The following UNC93A variants were observed in gnomAD, a reference collection of about 807,000 sequenced individuals.
The protein encoded by UNC93A is N-acetylglucosamine transporter UNC93A.
Under a neutral mutation model 47.5 loss-of-function variants are expected in UNC93A, and 43 were observed. The observed-to-expected ratio is 0.91, with a 90% CI of 0.71 to 1.17. The LOEUF is 1.17. UNC93A is among the 50% of genes most tolerant of loss of function. The pLI, the probability that UNC93A is intolerant of heterozygous loss-of-function variation, is 0.00. For missense variants in UNC93A, 605 were observed against 577.6 expected, an observed-to-expected ratio of 1.05 and a Z score of -0.49; for synonymous variants, 280 against 258.0, an observed-to-expected ratio of 1.09 and a Z score of -0.82.
chr6:167,306,845 A>T (rs1778410900), intron 6 of UNC93A, among the ~76,000 whole-genome samples: 1 of 152,198 alleles, frequency 6.6e-6, no homozygotes, highest in South Asian at 2.1e-4. Context: ...CCGCTGACAG[A>T]GACCCTGCTC....
intron 4 of UNC93A, 58 bp from the exon 5 acceptor site, chr6:167,303,861 C>T (rs1778307474): frequency 6.4e-7 from 1 of 1,570,082 alleles, no homozygotes; most frequent in Non-Finnish European, 8.8e-7. Flanking sequence ...CAAATCCTTG[C>T]CAGGCACCCT....
chr6:167,291,652 T>C, intron 1 of UNC93A, 76 bp downstream of exon 1: 3 of 1,394,322 alleles, frequency 2.2e-6, no homozygotes, highest in Non-Finnish European at 3.0e-6. Context: ...CAATAATGAA[T>C]TGGAAATTTG....
chr6:167,290,756 C>T (rs2989555), upstream of UNC93A, among the ~76,000 whole-genome samples: 94,921 of 152,028 alleles, frequency 0.62, 29,827 homozygotes, highest in Non-Finnish European at 0.67. Flanking sequence ...AATCATTTAA[C>T]TTTTCTGAAG....
intron 1 of UNC93A, among the ~76,000 whole-genome samples, chr6:167,291,798 C>A (rs1238668634): frequency 6.6e-6 from 1 of 152,200 alleles, no homozygotes; most frequent in South Asian, 2.1e-4. Flanking sequence ...GCGAGGTGCA[C>A]GTTGCTCTTG....
chr6:167,298,198 T>C, intron 4 of UNC93A, 128 bp downstream of exon 4: 1 of 1,399,364 alleles, frequency 7.1e-7, no homozygotes, highest in Non-Finnish European at 9.5e-7. Context: ...CCTTGCAAAA[T>C]GTATTGGTCT....
rs139873524 is a variant in UNC93A, at chr6:167,312,757, C to T, written c.1109-2430C>T. ...GTCTACTTTCCTTTTTAAAAAATGT[C>T]TTTCCCCACTATGTCCTTAGCTGTG... On this transcript the variant is annotated intron_variant, in intron 7 of 7. Coordinates refer to ENST00000230256, the MANE Select transcript of UNC93A (RefSeq NM_018974.4). Among the ~76,000 whole-genome samples the T allele has an allele frequency of 7.3e-4, 111 of 152,342 alleles. No homozygotes were observed. The East Asian group carries it at 0.02, about 28-fold the overall frequency.
At chr6:167,299,882 G>A (rs6923219) in intron 4 of UNC93A, among the ~76,000 whole-genome samples, 4,544 of 152,290 alleles carry the variant, frequency 0.03, 261 homozygotes, top group African/African-American at 0.1. Flanking sequence ...CTGGACGAGT[G>A]CAGACTTGCC....
In UNC93A at chr6:167,296,284, ATTGTCT is replaced by A. The variant is rs778991706; in HGVS notation, c.499+24_499+29del. 8 of 1,611,824 alleles carry A rather than the reference ATTGTCT, an allele frequency of 5.0e-6. No homozygotes were observed. In the African/African-American group the frequency reaches 1.1e-4, roughly 22 times the overall value. On this transcript the variant is annotated intron_variant, in intron 3 of 7. Transcript: ENST00000230256. ...AAGGTAAAAGGAAAAGGGGCAAGCAATTGTCTCCAAGTGGAGCAGGGGTTTCAGTGA... is the reference window on the plus strand; with the variant it reads ...AAGGTAAAAGGAAAAGGGGCAAGCAACCAAGTGGAGCAGGGGTTTCAGTGA...
intron 1 of UNC93A, among the ~76,000 whole-genome samples, chr6:167,294,037 C>A (rs146606606): frequency 6.6e-6 from 1 of 152,192 alleles, no homozygotes; most frequent in Non-Finnish European, 1.5e-5. Context: ...CGGAGGCGGG[C>A]GATGGATATT....
intron 5 of UNC93A, among the ~76,000 whole-genome samples, chr6:167,304,388 C>A (rs999588045): frequency 3.9e-5 from 6 of 152,196 alleles, no homozygotes; most frequent in Admixed American, 1.3e-4. Flanking sequence ...TCCGTGTCTT[C>A]CTGGGGAAGG....
At chr6:167,300,228 A>G (rs1336617473) in intron 4 of UNC93A, among the ~76,000 whole-genome samples, 4 of 152,212 alleles carry the variant, frequency 2.6e-5, no homozygotes, top group South Asian at 2.1e-4. Context: ...ATCTTCCAAC[A>G]TGGTGACTGG....
chr6:167,280,392 C>T, intron 1 of UNC93A, among the ~76,000 whole-genome samples: 1 of 152,154 alleles, frequency 6.6e-6, no homozygotes, highest in Middle Eastern at 3.2e-3. Flanking sequence ...GAATTACTTG[C>T]TGTTAAGGAA....
At chr6:167,270,489 G>A (rs1278577221), upstream of UNC93A, among the ~76,000 whole-genome samples, 1 of 152,146 alleles carries the variant, frequency 6.6e-6, no homozygotes, top group East Asian at 1.9e-4. Context: ...TGGGGGGTTA[G>A]GGGAAAGGGG....
At chr6:167,276,327 CTT>C (rs1783542934) in intron 1 of UNC93A, among the ~76,000 whole-genome samples, 1 of 152,062 alleles carries the variant, frequency 6.6e-6, no homozygotes, top group African/African-American at 2.4e-5. Flanking sequence ...GCAGATGTCT[CTT>C]TGATATACTG....
chr6:167,291,721 CAG>C (rs768436234), intron 1 of UNC93A, 145 bp downstream of exon 1: 2 of 730,658 alleles, frequency 2.7e-6, no homozygotes, highest in Non-Finnish European at 4.4e-6. Context: ...CTAAAACAAA[CAG>C]TGGTTCTCAG....
chr6:167,285,094 G>A (rs911573579), intron 1 of UNC93A, among the ~76,000 whole-genome samples: 1 of 152,138 alleles, frequency 6.6e-6, no homozygotes, highest in Non-Finnish European at 1.5e-5. Flanking sequence ...GGCCCTGCCA[G>A]GTGGCACCAC....
intron 1 of UNC93A, among the ~76,000 whole-genome samples, chr6:167,271,899 C>T (rs1001432508): frequency 1.3e-5 from 2 of 152,072 alleles, no homozygotes; most frequent in Admixed American, 6.5e-5. Flanking sequence ...GCCAGCTAAA[C>T]ACATGGGAAA....
upstream of UNC93A, chr6:167,291,218 C>G: frequency 3.1e-6 from 1 of 318,920 alleles, no homozygotes; most frequent in South Asian, 1.0e-4. Context: ...GAGTAATGAT[C>G]TTTTGCCCCA....
intron 7 of UNC93A, 86 bp from the exon 8 acceptor site, chr6:167,315,101 G>A: frequency 6.5e-7 from 1 of 1,535,072 alleles, no homozygotes; most frequent in Non-Finnish European, 8.8e-7. Context: ...TGAGAAAATG[G>A]GGCAGTGGGA....
Sources: allele counts gnomAD v4.1 joint callset (sites outside exome capture counted in the v4.1 genomes callset), GRCh38; gene constraint gnomAD v4.1.1; transcripts MANE v1.5; gene names NCBI Gene and HGNC (gene_info 2026-07-23, HGNC 2026-07-21).